Variants in CRAMP1 observed in about 807,000 individuals in gnomAD.
CRAMP1 encodes cramped chromatin regulator 1, also known as protein cramped-like.
In CRAMP1, 50 loss-of-function variants were observed where a neutral mutation model predicts 115.4. The observed-to-expected ratio is 0.43, with a 90% CI of 0.35 to 0.55. The LOEUF (loss-of-function observed/expected upper bound fraction) is 0.55, where lower values mean the gene tolerates loss of function less well. Ranked by LOEUF, CRAMP1 falls within the 20% of genes least tolerant of loss-of-function variation. The pLI is 0.01. For synonymous variants in CRAMP1, 866 were observed against 745.4 expected (o/e 1.16, Z -2.64); for missense variants, 1,679 against 1,721.7 (o/e 0.98, Z 0.44).
Position 1,666,444 on chromosome 16 carries a change from A to G in CRAMP1, c.2880A>G (p.Thr960=), listed in dbSNP as rs772579644. The change falls in exon 16 of 21, where the codon ACA becomes ACG. Residue 960 remains threonine, a synonymous_variant. Coordinates refer to ENST00000397412, the MANE Select transcript of CRAMP1 (RefSeq NM_020825.4). This position sits in a 1 kb window ranked among gnomAD's most constrained non-coding sequence, Gnocchi z 5.0. ...CAGGTGCTATCGACTTAGCAGCTAC[A>G]AGTGCCGGCATCCTTTCCGGGAACC... ...HLASAIDLAA[T]SAGILSGNPL... The G allele has an allele frequency of 2.4e-5, 39 of 1,613,376 alleles. No homozygotes were observed. The highest frequency in any genetic ancestry group is 3.1e-5 in the Non-Finnish European group (37 of 1,179,692).
intron 6 of CRAMP1, among the ~76,000 whole-genome samples, chr16:1,652,114 C>T (rs939430392): frequency 1.3e-5 from 2 of 152,118 alleles, no homozygotes; most frequent in African/African-American, 4.8e-5. Context: ...CTCTGAGGGC[C>T]CAAAGTGGGA....
In CRAMP1 at chr16:1,656,594, A is replaced by G. The variant is rs371731624; in HGVS notation, c.1837A>G (p.Thr613Ala). 9.9e-5 allele frequency: 156 copies of G among 1,568,554 alleles called. No homozygotes were observed. The highest frequency in any genetic ancestry group is 1.1e-4 in the Non-Finnish European group (132 of 1,157,820). Residue 613 changes from threonine (T) to alanine (A), a missense_variant, in exon 10 of 21, where the codon ACT becomes GCT. By Grantham distance (58) the Thr-to-Ala change is moderately conservative. This residue lies in a region of CRAMP1 where 405 missense variants were observed against 302.6 expected (regional missense o/e 1.34). Coordinates refer to ENST00000397412, the MANE Select transcript of CRAMP1 (RefSeq NM_020825.4). The surrounding 1 kb of genome is among the most constrained non-coding windows in gnomAD (Gnocchi z 5.6). ...VSKEAADLAPTGPSPRPGPGL... is the reference protein window; with the variant it reads ...VSKEAADLAPAGPSPRPGPGL... ...CAAGGAGGCTGCTGACCTTGCTCCC[A>G]CTGGCCCATCCCCGAGGCCCGGCCC...
chr16:1,624,770 G>A (rs947067842), intron 2 of CRAMP1, among the ~76,000 whole-genome samples: 18 of 152,274 alleles, frequency 1.2e-4, no homozygotes, highest in African/African-American at 4.3e-4. Flanking sequence ...TTTTAGTAGA[G>A]ACGGGGTTTC....
At chr16:1,654,298 G>T (rs1480517679) in intron 8 of CRAMP1, among the ~76,000 whole-genome samples, 1 of 149,876 alleles carries the variant, frequency 6.7e-6, no homozygotes. Context: ...TGCAACCTCC[G>T]TCTCCCACGT....
At chr16:1,663,821 A>G (rs1037289763) in intron 13 of CRAMP1, among the ~76,000 whole-genome samples, 6 of 152,236 alleles carry the variant, frequency 3.9e-5, no homozygotes, top group Admixed American at 1.3e-4. Flanking sequence ...GGGATCATAC[A>G]ATTTGTGTTC....
At position 1,669,695 on chromosome 16, in the gene CRAMP1, C is replaced by T. The variant is rs1409306107; in HGVS notation, c.3499+530C>T. ...TTTGCCCACTGGGTAGCAAGTGTGG[C>T]AGGAAGGGGGTGTATCAGGGAAAGG... On this transcript the variant is annotated intron_variant, in intron 19 of 20. Coordinates refer to ENST00000397412, the MANE Select transcript of CRAMP1 (RefSeq NM_020825.4). This position sits in a 1 kb window ranked among gnomAD's most constrained non-coding sequence, Gnocchi z 4.6. Among the ~76,000 whole-genome samples, 1 of 152,210 alleles carries T rather than the reference C, an allele frequency of 6.6e-6. No individual in the cohort carries two copies. Among genetic ancestry groups the T allele is most frequent in the African/African-American group, 2.4e-5 (1 of 41,462 alleles).
chr16:1,626,252 G>A (rs1407895308), intron 3 of CRAMP1, 86 bp downstream of exon 3: 4 of 1,289,666 alleles, frequency 3.1e-6, no homozygotes, highest in Non-Finnish European at 4.2e-6. Context: ...CCTCTTTGCT[G>A]TTAGATTCTA....
In CRAMP1 at chr16:1,656,602, A is replaced by G. The variant is rs766292058; in HGVS notation, c.1845A>G (p.Pro615=). 6.4e-7 allele frequency: 1 copy of G among 1,571,812 alleles called. No homozygotes were observed. Among genetic ancestry groups the G allele is most frequent in the African/African-American group, 1.4e-5 (1 of 73,956 alleles). ...KEAADLAPTG[P]SPRPGPGLLL... is the part of the protein sequence containing the mutation. ...CTGCTGACCTTGCTCCCACTGGCCC[A>G]TCCCCGAGGCCCGGCCCCGGGCTCC... The change falls in exon 10 of 21, where the codon CCA becomes CCG. Residue 615 remains proline (P), a synonymous_variant. Transcript: ENST00000397412. This position sits in a 1 kb window ranked among gnomAD's most constrained non-coding sequence, Gnocchi z 5.6.
At chr16:1,615,130 T>A (rs893787402) in intron 2 of CRAMP1, 145 bp downstream of exon 2, 1 of 410,752 alleles carries the variant, frequency 2.4e-6, no homozygotes. Context: ...GTGGCACTTA[T>A]GGGGCATGTG....
rs922040781 is a variant in CRAMP1, at chr16:1,626,042, C to T, written c.416C>T (p.Ser139Leu). 22 of 1,551,424 alleles carry T rather than the reference C, an allele frequency of 1.4e-5. No individual in the cohort carries two copies. The highest frequency in any genetic ancestry group is 1.7e-5 in the Non-Finnish European group (20 of 1,146,940). The change falls in exon 3 of 21, where the codon TCG (serine) becomes TTG (leucine). Residue 139 changes from serine to leucine, a missense_variant. This residue lies in a region of CRAMP1 where 264 missense variants were observed against 229.7 expected (regional missense o/e 1.15). Coordinates refer to ENST00000397412, the MANE Select transcript of CRAMP1 (RefSeq NM_020825.4). The part of the protein sequence containing the change: ...GVAPAAPAGG[S>L]RSSSRNLGSS... ...GCCCCTGCTGCCCCTGCAGGGGGCT[C>T]GCGCTCCTCCTCCCGGAACTTAGGG...
rs753534037 is a variant in CRAMP1 at position 1,669,021 on chromosome 16, C to G, written c.3355C>G (p.Pro1119Ala). Residue 1119 changes from proline to alanine, a missense_variant, in exon 19 of 21, where the codon CCA becomes GCA. Pro to Ala is a conservative substitution (Grantham distance 27). Transcript: ENST00000397412. This position sits in a 1 kb window ranked among gnomAD's most constrained non-coding sequence, Gnocchi z 4.6. ...GQYGEGVPLS[P>A]AKLNGSDSSK... ...GGCAGGTGAAGGAGTCCCTCTTTCT[C>G]CAGCAAAACTGAATGGCAGTGACAG... 3.7e-6 allele frequency: 6 copies of G among 1,613,170 alleles called. No homozygotes were observed. Among genetic ancestry groups the G allele is most frequent in the Non-Finnish European group, 5.1e-6 (6 of 1,179,600 alleles).
rs1361705321 is a variant in CRAMP1, at chr16:1,612,591, G to A, written c.-68G>A. Among the ~76,000 whole-genome samples the A allele has an allele frequency of 6.6e-6, 1 of 151,894 alleles. No homozygotes were observed. Among genetic ancestry groups the A allele is most frequent in the Non-Finnish European group, 1.5e-5 (1 of 67,906 alleles). On this transcript the variant is annotated 5_prime_UTR_variant, in exon 1 of 21. Coordinates refer to ENST00000397412, the MANE Select transcript of CRAMP1 (RefSeq NM_020825.4). ...CTCGGGGGCCGGGGCTGCCCGGCCCGGCTGGTTCTGCGGGCACCCGGGGAG... is the reference window on the plus strand; with the variant it reads ...CTCGGGGGCCGGGGCTGCCCGGCCCAGCTGGTTCTGCGGGCACCCGGGGAG...
chr16:1,667,694 A>G (rs971624909), intron 17 of CRAMP1, among the ~76,000 whole-genome samples: 1 of 152,174 alleles, frequency 6.6e-6, no homozygotes, highest in Non-Finnish European at 1.5e-5. Flanking sequence ...GCTGTCAGCT[A>G]GTAACTCCCC....
At chr16:1,668,864 C>A in intron 18 of CRAMP1, 137 bp from the exon 19 acceptor site, 1 of 795,178 alleles carries the variant, frequency 1.3e-6, no homozygotes, top group Non-Finnish European at 2.1e-6. Context: ...TCCTTACCTG[C>A]CGAGCCATGC....
At chr16:1,651,347 T>G (rs1383458993) in intron 6 of CRAMP1, among the ~76,000 whole-genome samples, 1 of 144,662 alleles carries the variant, frequency 6.9e-6, no homozygotes, top group Non-Finnish European at 1.5e-5. Flanking sequence ...CATCTAGGGG[T>G]GGATTTAGGT....
At position 1,614,578 on chromosome 16, in the gene CRAMP1, G is replaced by A. The variant is rs1326019391; in HGVS notation, c.-1-61G>A. 7 of 1,056,356 alleles carry A rather than the reference G, an allele frequency of 6.6e-6. No individual in the cohort carries two copies. Among genetic ancestry groups the A allele is most frequent in the Non-Finnish European group, 8.4e-6 (7 of 832,636 alleles). The allele number at this position is 1,056,356 out of a possible 1,614,324, so 65.4% of individuals were successfully genotyped here. A position where few individuals can be genotyped will look rare whatever the true frequency, so the allele number is the denominator to read the frequency against. On this transcript the variant is annotated intron_variant, in intron 1 of 20. Transcript: ENST00000397412. This position sits in a 1 kb window ranked among gnomAD's most constrained non-coding sequence, Gnocchi z 4.4. ...GGCGGCCATGTTGAGAGCGCGTCGG[G>A]GCCGCTAAACTTCCCGGCCTGCGCC...
chr16:1,676,010 C>T lies in CRAMP1; in HGVS notation c.*1965C>T, dbSNP rs2036964392. On this transcript the variant is annotated 3_prime_UTR_variant, in exon 21 of 21. Coordinates refer to ENST00000397412, the MANE Select transcript of CRAMP1 (RefSeq NM_020825.4). ...TCTCTAGAGGGTTAGGATACCAGGC[C>T]GAGTTCAGGCCACTGCTAGCTTTCT... is the stretch of plus-strand genomic sequence containing the variant. 6.6e-6 allele frequency: 1 copy of T among 152,214 alleles called. No homozygotes were observed. Among genetic ancestry groups the T allele is most frequent in the African/African-American group, 2.4e-5 (1 of 41,428 alleles). The allele number at this position is 152,214 out of a possible 1,614,324, so 9.4% of individuals were successfully genotyped here.
rs1225905551 is a variant in CRAMP1, at chr16:1,675,896, T to C, written c.*1851T>C. 1.3e-5 allele frequency: 2 copies of C among 152,274 alleles called. No homozygotes were observed. The highest frequency in any genetic ancestry group is 2.9e-5 in the Non-Finnish European group (2 of 68,058). The allele number at this position is 152,274 out of a possible 1,614,324, so 9.4% of individuals were successfully genotyped here. On this transcript the variant is annotated 3_prime_UTR_variant, in exon 21 of 21. Transcript: ENST00000397412. ...AGCATCTTTACACTAGCTTGTGTTT[T>C]GTGCTACGTATACCAGCTTCCAAAA... is the stretch of plus-strand genomic sequence containing the variant.
At chr16:1,637,769 C>A in intron 4 of CRAMP1, 55 bp from the exon 5 acceptor site, 1 of 893,792 alleles carries the variant, frequency 1.1e-6, no homozygotes, top group Non-Finnish European at 1.6e-6. Context: ...CACACCCAAG[C>A]CAGGCAGCGC....
Sources: gnomAD v4.1 joint callset for allele counts (sites outside exome capture counted in the v4.1 genomes callset) on GRCh38, gnomAD v4.1.1 for gene constraint, gnomAD v4.1.1 regional missense constraint, Gnocchi (gnomAD v3.1) non-coding constraint, MANE v1.5 for transcripts, NCBI Gene and HGNC (gene_info 2026-07-23, HGNC 2026-07-21) for gene names.